PCDHGA7: variants seen among roughly 807,000 people sequenced by gnomAD.
The protein encoded by PCDHGA7 is protocadherin gamma-A7.
In PCDHGA7, 44 loss-of-function variants were observed where a neutral mutation model predicts 58.3. The ratio of observed to expected loss-of-function variants is 0.75; its 90% CI spans 0.59 to 0.97. The LOEUF is 0.97. Among genes scored for constraint, PCDHGA7 ranks in the 50% least tolerant of loss-of-function variants. The pLI, the probability that PCDHGA7 is intolerant of heterozygous loss-of-function variation, is 0.00. For missense variants in PCDHGA7, 1,266 were observed against 1,188.7 expected (o/e 1.06, Z -0.96); for synonymous variants, 516 against 504.2 (o/e 1.02, Z -0.31).
At chr5:141,385,964 C>T (rs1037246180) in intron 1 of PCDHGA7, 2 of 152,126 alleles carry the variant, frequency 1.3e-5, no homozygotes, top group South Asian at 2.1e-4. Context: ...TAAAGGCCAT[C>T]GGACAAAACC....
intron 1 of PCDHGA7, chr5:141,413,494 G>C: frequency 6.2e-7 from 1 of 1,614,042 alleles, no homozygotes; most frequent in Non-Finnish European, 8.5e-7. Flanking sequence ...CGCGCGGTGC[G>C]TGGTGAGTTT....
chr5:141,387,735 T>C lies in PCDHGA7; in HGVS notation c.2424+2412T>C, dbSNP rs966437790. The C allele has an allele frequency of 1.2e-5, 16 of 1,308,452 alleles. No individual in the cohort carries two copies. In the East Asian group the frequency reaches 1.3e-4, roughly 10 times the overall value. 81.1% of individuals were successfully genotyped at this position (1,308,452 alleles called of 1,614,324 possible). ...GCTCAGACTCCCCAGCGCCAGCCTTTACACCGCTTCCTCCTCGGAAAAAGA... is the reference window on the plus strand; with the variant it reads ...GCTCAGACTCCCCAGCGCCAGCCTTCACACCGCTTCCTCCTCGGAAAAAGA... On this transcript the variant is annotated intron_variant, in intron 1 of 3. Transcript: ENST00000518325.
intron 1 of PCDHGA7, chr5:141,422,941 G>C (rs777535652): frequency 1.2e-6 from 2 of 1,614,218 alleles, no homozygotes; most frequent in Non-Finnish European, 1.7e-6. Context: ...CCCCACAGAC[G>C]GCTCCACTGG....
intron 1 of PCDHGA7, among the ~76,000 whole-genome samples, chr5:141,492,631 A>G (rs1203365582): frequency 6.6e-6 from 1 of 152,184 alleles, no homozygotes; most frequent in Non-Finnish European, 1.5e-5. Flanking sequence ...GCAGGACTCT[A>G]CGATCCTTGG....
At chr5:141,498,954 A>G (rs1180380627) in intron 2 of PCDHGA7, among the ~76,000 whole-genome samples, 2 of 134,538 alleles carry the variant, frequency 1.5e-5, no homozygotes, top group Non-Finnish European at 3.2e-5. Context: ...AGAAAAAGAG[A>G]GAGAGGGAGG....
chr5:141,509,086 A>T lies in PCDHGA7; in HGVS notation c.2573-1861A>T, dbSNP rs147084289. On this transcript the variant is annotated intron_variant, in intron 3 of 3. Coordinates refer to ENST00000518325, the MANE Select transcript of PCDHGA7 (RefSeq NM_018920.4). ...CAGCTCCGGGGATTTGCGACATGAAATGGGGGCTGTAGAAACCTGAGCGCT... is the reference window on the plus strand; with the variant it reads ...CAGCTCCGGGGATTTGCGACATGAATTGGGGGCTGTAGAAACCTGAGCGCT... 8.3e-3 allele frequency among the ~76,000 whole-genome samples: 1,261 copies of T among 152,228 alleles called. 7 individuals are homozygous for T. Among genetic ancestry groups the T allele is most frequent in the Middle Eastern group, 0.037 (11 of 294 alleles).
At chr5:141,460,912 GTA>G (rs34683754) in intron 1 of PCDHGA7, among the ~76,000 whole-genome samples, 12 of 149,310 alleles carry the variant, frequency 8.0e-5, no homozygotes, top group African/African-American at 7.4e-5. Flanking sequence ...ATTCCATGGT[GTA>G]TATATATATA....
chr5:141,419,890 C>T (rs775698934), intron 1 of PCDHGA7: 3 of 1,614,102 alleles, frequency 1.9e-6, no homozygotes, highest in Non-Finnish European at 2.5e-6. Flanking sequence ...ATTTCAGCGA[C>T]CATCCCACAC....
intron 1 of PCDHGA7, chr5:141,414,344 T>C: frequency 6.2e-7 from 1 of 1,613,882 alleles, no homozygotes; most frequent in Non-Finnish European, 8.5e-7. Flanking sequence ...ACCTGTTCCA[T>C]TTTGGCGTAT....
At position 141,431,424 on chromosome 5, in the gene PCDHGA7, G is replaced by A; in HGVS notation, c.2424+46101G>A. The A allele has an allele frequency of 1.9e-6, 3 of 1,613,676 alleles. No individual in the cohort carries two copies. The highest frequency in any genetic ancestry group is 2.5e-6 in the Non-Finnish European group (3 of 1,180,028). On this transcript the variant is annotated intron_variant, in intron 1 of 3. Coordinates refer to ENST00000518325, the MANE Select transcript of PCDHGA7 (RefSeq NM_018920.4). The surrounding 1 kb of genome is among the most constrained non-coding windows in gnomAD (Gnocchi z 4.8). ...GCCTCCGACGGGGGCGACCCGGTGC[G>A]CACAGGCACCGCGCGCATCCGCGTG... is the stretch of plus-strand genomic sequence containing the variant.
intron 1 of PCDHGA7, chr5:141,419,497 G>T (rs1357823931): frequency 9.9e-6 from 16 of 1,612,390 alleles, no homozygotes; most frequent in Non-Finnish European, 1.4e-5. Context: ...GCGCCAATGT[G>T]AGCCTGCGCG....
At position 141,478,334 on chromosome 5, in the gene PCDHGA7, C is replaced by T. The variant is rs1303200872; in HGVS notation, c.2425-16473C>T. 2.5e-6 allele frequency: 4 copies of T among 1,613,944 alleles called. No individual in the cohort carries two copies. The highest frequency in any genetic ancestry group is 3.4e-6 in the Non-Finnish European group (4 of 1,180,016). ...GAGCTCACTGTACCGAACACCAGGG[C>T]CCTCCTTGCACGCGGACGCCGTGCG... On this transcript the variant is annotated intron_variant, in intron 1 of 3. Coordinates refer to ENST00000518325, the MANE Select transcript of PCDHGA7 (RefSeq NM_018920.4).
Position 141,385,260 on chromosome 5 carries a change from A to G in PCDHGA7, c.2361A>G (p.Lys787=), listed in dbSNP as rs1337413063. ...DMLISQESCE[K]NDSLLTSVDF... ...TCATCAGCCAGGAGAGCTGTGAGAA[A>G]AATGATTCTTTGCTAACATCCGTAG... Residue 787 remains lysine (K), a synonymous_variant, in exon 1 of 4, where the codon AAA becomes AAG. Coordinates refer to ENST00000518325, the MANE Select transcript of PCDHGA7 (RefSeq NM_018920.4). The G allele has an allele frequency of 6.2e-7, 1 of 1,613,648 alleles. No homozygotes were observed. Among genetic ancestry groups the G allele is most frequent in the African/African-American group, 1.3e-5 (1 of 74,948 alleles).
intron 1 of PCDHGA7, chr5:141,399,297 T>A (rs370898446): frequency 6.2e-7 from 1 of 1,613,830 alleles, no homozygotes; most frequent in African/African-American, 1.3e-5. Context: ...CTTTTAAGAT[T>A]ATCTCTTCAT....
In PCDHGA7 at chr5:141,485,066, G is replaced by A. The variant is rs907517904; in HGVS notation, c.2425-9741G>A. On this transcript the variant is annotated intron_variant, in intron 1 of 3. Coordinates refer to ENST00000518325, the MANE Select transcript of PCDHGA7 (RefSeq NM_018920.4). This position sits in a 1 kb window ranked among gnomAD's most constrained non-coding sequence, Gnocchi z 5.7. Reference sequence around the variant, plus strand: ...GCGGCGCCGGCCGAACCGCGCCAGAGCTGGCGCGGGGAAAGGGAGATAGGT... The same window carrying A: ...GCGGCGCCGGCCGAACCGCGCCAGAACTGGCGCGGGGAAAGGGAGATAGGT... 1 of 885,622 alleles carries A rather than the reference G, an allele frequency of 1.1e-6. No individual in the cohort carries two copies. Among genetic ancestry groups the A allele is most frequent in the Non-Finnish European group, 1.8e-6 (1 of 559,820 alleles). 54.9% of individuals were successfully genotyped at this position (885,622 alleles called of 1,614,324 possible).
intron 1 of PCDHGA7, chr5:141,440,744 A>C (rs2098197850): frequency 6.6e-6 from 1 of 152,194 alleles, no homozygotes; most frequent in Non-Finnish European, 1.5e-5. Context: ...CTGCTTGACT[A>C]GGAAAAGCAG....
At chr5:141,390,538 C>A in intron 1 of PCDHGA7, 1 of 518,310 alleles carries the variant, frequency 1.9e-6, no homozygotes, top group African/African-American at 1.9e-5. Flanking sequence ...GTTTTAACCA[C>A]AAAGTGAAAG....
chr5:141,431,002 C>A lies in PCDHGA7; in HGVS notation c.2424+45679C>A, dbSNP rs1055964066. The A allele has an allele frequency of 6.2e-7, 1 of 1,613,836 alleles. No individual in the cohort carries two copies. Among genetic ancestry groups the A allele is most frequent in the Admixed American group, 1.7e-5 (1 of 59,990 alleles). The stretch of plus-strand genomic sequence containing the variant: ...AGCTTTTCGCCCTGAATCCGCGCAG[C>A]GGCAGCTTGGTCACGGCGGGCAGGA... On this transcript the variant is annotated intron_variant, in intron 1 of 3. Transcript: ENST00000518325. The surrounding 1 kb of genome is among the most constrained non-coding windows in gnomAD (Gnocchi z 4.8).
chr5:141,389,838 C>T (rs1156714079), intron 1 of PCDHGA7: 3 of 1,614,028 alleles, frequency 1.9e-6, no homozygotes, highest in Non-Finnish European at 2.5e-6. Context: ...ACAGCCACCA[C>T]TCTCGGCCAC....
Sources: gnomAD v4.1 joint callset for allele counts (sites outside exome capture counted in the v4.1 genomes callset) on GRCh38, gnomAD v4.1.1 for gene constraint, Gnocchi (gnomAD v3.1) non-coding constraint, MANE v1.5 for transcripts, NCBI Gene and HGNC (gene_info 2026-07-23, HGNC 2026-07-21) for gene names.